Variants in STYX observed in about 807,000 individuals in gnomAD.
STYX encodes the protein serine/threonine/tyrosine-interacting protein.
A neutral mutation model predicts 42.7 loss-of-function variants in STYX; 20 were observed. The ratio of observed to expected loss-of-function variants is 0.47; its 90% CI spans 0.33 to 0.68. The LOEUF is 0.68. STYX is among the 30% of genes least tolerant of loss of function. The probability of loss-of-function intolerance (pLI) is 0.02; values close to 1 mark genes in which losing one functional copy is unlikely to be tolerated. For missense variants in STYX, 226 were observed against 268.5 expected (o/e 0.84, Z 1.11); for synonymous variants, 78 against 81.9 (o/e 0.95, Z 0.26).
chr14:52,756,691 T>G, intron 5 of STYX, 80 bp downstream of exon 5: 1 of 655,012 alleles, frequency 1.5e-6, no homozygotes, highest in Non-Finnish European at 2.3e-6. Context: ...TTTTTTTTTT[T>G]TTTTTTTTTT....
At chr14:52,730,622 C>T (rs886208244) in intron 1 of STYX, 91 bp downstream of exon 1, 78 of 1,447,198 alleles carry the variant, frequency 5.4e-5, no homozygotes, top group Non-Finnish European at 7.4e-5. Context: ...TAGCCGCCAC[C>T]TGTACGGGCG....
At chr14:52,746,692 CT>C (rs1266002611) in intron 3 of STYX, among the ~76,000 whole-genome samples, 1 of 152,018 alleles carries the variant, frequency 6.6e-6, no homozygotes, top group African/African-American at 2.4e-5. Flanking sequence ...TTGTTTTTTC[CT>C]CATGAAATTT....
chr14:52,753,892 ATTTT>A (rs56734068), intron 4 of STYX, among the ~76,000 whole-genome samples: 6 of 77,232 alleles, frequency 7.8e-5, no homozygotes, highest in Non-Finnish European at 9.8e-5. Flanking sequence ...CAAAACACTG[ATTTT>A]TTTTTTTTTT....
intron 1 of STYX, among the ~76,000 whole-genome samples, chr14:52,734,665 A>T (rs1377023968): frequency 6.6e-6 from 1 of 152,212 alleles, no homozygotes; most frequent in Non-Finnish European, 1.5e-5. Context: ...ATAATGATGC[A>T]AGTATTGTCT....
intron 10 of STYX, among the ~76,000 whole-genome samples, chr14:52,770,696 CAT>C (rs1424305767): frequency 6.6e-6 from 1 of 152,012 alleles, no homozygotes; most frequent in African/African-American, 2.4e-5. Context: ...CCCTAAGTCA[CAT>C]GTTTATGGTG....
chr14:52,746,630 C>T, intron 3 of STYX, 151 bp downstream of exon 3: 1 of 628,880 alleles, frequency 1.6e-6, no homozygotes, highest in South Asian at 2.3e-5. Flanking sequence ...TTCCTCTTTC[C>T]CTATTTTACT....
intron 1 of STYX, among the ~76,000 whole-genome samples, chr14:52,734,877 C>T (rs905097037): frequency 1.3e-5 from 2 of 151,970 alleles, no homozygotes; most frequent in Admixed American, 1.3e-4. Context: ...CTGGCTAACA[C>T]GGTAAAACCC....
chr14:52,734,510 T>C (rs1208291981), intron 1 of STYX, among the ~76,000 whole-genome samples: 2 of 152,112 alleles, frequency 1.3e-5, no homozygotes, highest in South Asian at 2.1e-4. Context: ...TCAGGTTTGA[T>C]CAAAAATAGT....
At position 52,735,355 on chromosome 14, in the gene STYX, G is replaced by A. The variant is rs572050883; in HGVS notation, c.57+4824G>A. Among the ~76,000 whole-genome samples the A allele has an allele frequency of 6.6e-5, 10 of 152,256 alleles. No individual in the cohort carries two copies. The South Asian group carries it at 2.1e-3, about 32-fold the overall frequency. On this transcript the variant is annotated intron_variant, in intron 1 of 10. Coordinates refer to ENST00000354586, the MANE Select transcript of STYX (RefSeq NM_145251.4). ...ATTCATGTTCCCACACTTTGGATCA[G>A]TCACTGTAGCCAGGAAAGGGCAGAT...
chr14:52,743,562 C>G (rs970539868), intron 1 of STYX, among the ~76,000 whole-genome samples: 3 of 151,972 alleles, frequency 2.0e-5, no homozygotes, highest in Non-Finnish European at 4.4e-5. Context: ...ACCTGGATGA[C>G]AGTGTAAGAC....
Position 52,743,458 on chromosome 14 carries a change from G to A in STYX, c.58-1394G>A, listed in dbSNP as rs374017021. On this transcript the variant is annotated intron_variant, in intron 1 of 10. Coordinates refer to ENST00000354586, the MANE Select transcript of STYX (RefSeq NM_145251.4). ...AATTATGGCGTGGTGGTGGGTGCCT[G>A]TAGTCCCAGCTACTCGGGAGGCTGA... Among the ~76,000 whole-genome samples, 8 of 152,114 alleles carry A rather than the reference G, an allele frequency of 5.3e-5. No homozygotes were observed. The East Asian group carries it at 1.4e-3, about 26-fold the overall frequency.
chr14:52,736,325 T>C (rs1468814073), intron 1 of STYX, among the ~76,000 whole-genome samples: 2 of 152,242 alleles, frequency 1.3e-5, no homozygotes, highest in Non-Finnish European at 2.9e-5. Flanking sequence ...CTTGGTACTT[T>C]AATACTTACC....
chr14:52,764,218 C>G (rs1882210955), intron 9 of STYX, among the ~76,000 whole-genome samples: 1 of 152,096 alleles, frequency 6.6e-6, no homozygotes, highest in Non-Finnish European at 1.5e-5. Flanking sequence ...GTCTCGAACT[C>G]CTGACCTCAT....
chr14:52,737,913 C>T (rs1450971347), intron 1 of STYX, among the ~76,000 whole-genome samples: 3 of 152,086 alleles, frequency 2.0e-5, no homozygotes, highest in Non-Finnish European at 4.4e-5. Context: ...GTAGCTGGGA[C>T]TACAGGCGCC....
chr14:52,758,952 C>T (rs1031885586), intron 8 of STYX, among the ~76,000 whole-genome samples: 1 of 151,960 alleles, frequency 6.6e-6, no homozygotes, highest in Non-Finnish European at 1.5e-5. Flanking sequence ...TTTATTATTT[C>T]GAATTTTGTC....
chr14:52,740,921 A>G (rs1881163746), intron 1 of STYX, among the ~76,000 whole-genome samples: 1 of 152,278 alleles, frequency 6.6e-6, no homozygotes, highest in East Asian at 1.9e-4. Context: ...CTCCCATTCC[A>G]CAATAGGAAA....
chr14:52,730,545 G>T lies in STYX; in HGVS notation c.57+14G>T, dbSNP rs1258708009. 6.2e-7 allele frequency: 1 copy of T among 1,612,158 alleles called. No individual in the cohort carries two copies. Among genetic ancestry groups the T allele is most frequent in the Admixed American group, 1.7e-5 (1 of 59,836 alleles). On this transcript the variant is annotated intron_variant, in intron 1 of 10. Coordinates refer to ENST00000354586, the MANE Select transcript of STYX (RefSeq NM_145251.4). ...GAAGACGCCGAGGTGAGTCGCTCCC[G>T]TGGCTGCCACGCACAGGCCTCTCCC...
chr14:52,765,799 G>T (rs1017275091), intron 9 of STYX, among the ~76,000 whole-genome samples: 1 of 152,074 alleles, frequency 6.6e-6, no homozygotes, highest in Non-Finnish European at 1.5e-5. Flanking sequence ...TAGGGTTTGC[G>T]CTCCTGTGAG....
intron 9 of STYX, among the ~76,000 whole-genome samples, chr14:52,768,588 G>C (rs1882396986): frequency 6.6e-6 from 1 of 152,068 alleles, no homozygotes; most frequent in African/African-American, 2.4e-5. Flanking sequence ...GATCATTATA[G>C]CTAATGCCAT....
Sources: gnomAD v4.1 joint callset for allele counts (sites outside exome capture counted in the v4.1 genomes callset) on GRCh38, gnomAD v4.1.1 for gene constraint, MANE v1.5 for transcripts, NCBI Gene and HGNC (gene_info 2026-07-23, HGNC 2026-07-21) for gene names.